Variants in SMIM35 observed in about 807,000 individuals in gnomAD.
The protein encoded by SMIM35 is TMPRSS4 antisense RNA 1 (non-protein coding).
At chr11:118,061,994 C>T (rs902772943) in intron 1 of SMIM35, among the ~76,000 whole-genome samples, 2 of 152,186 alleles carry the variant, frequency 1.3e-5, no homozygotes, top group African/African-American at 4.8e-5. Flanking sequence ...TTGGAAGGTC[C>T]TTGACCTCCC....
chr11:118,039,940 G>T (rs1324963554), intron 1 of SMIM35, among the ~76,000 whole-genome samples: 1 of 151,548 alleles, frequency 6.6e-6, no homozygotes, highest in Non-Finnish European at 1.5e-5. Context: ...AGCTACTAGT[G>T]AGGCTGAGGT....
intron 1 of SMIM35, among the ~76,000 whole-genome samples, chr11:118,016,880 A>G (rs2058187437): frequency 6.6e-6 from 1 of 152,230 alleles, no homozygotes; most frequent in South Asian, 2.1e-4. Context: ...TGTCATTAGT[A>G]TTATCAAATG....
intron 1 of SMIM35, among the ~76,000 whole-genome samples, chr11:118,026,437 T>C (rs2058274288): frequency 6.6e-6 from 1 of 152,198 alleles, no homozygotes; most frequent in South Asian, 2.1e-4. Context: ...TAATTAAAGG[T>C]GATTTCTCTG....
chr11:118,038,595 A>G (rs1464351917), intron 1 of SMIM35, among the ~76,000 whole-genome samples: 3 of 152,214 alleles, frequency 2.0e-5, no homozygotes, highest in Non-Finnish European at 2.9e-5. Flanking sequence ...GTTGGCCTCA[A>G]CACAACAGAA....
chr11:118,007,263 G>A (rs2135008686), intron 4 of SMIM35, among the ~76,000 whole-genome samples: 1 of 152,362 alleles, frequency 6.6e-6, no homozygotes, highest in South Asian at 2.1e-4. Context: ...CTCTGAAATA[G>A]CCTCCCAGCT....
chr11:118,043,634 C>T (rs1944041130), intron 1 of SMIM35, among the ~76,000 whole-genome samples: 1 of 151,862 alleles, frequency 6.6e-6, no homozygotes, highest in Admixed American at 6.6e-5. Context: ...CACAGTGACA[C>T]CCTGTCTCTA....
intron 1 of SMIM35, among the ~76,000 whole-genome samples, chr11:118,059,697 C>T (rs189172132): frequency 6.6e-6 from 1 of 152,298 alleles, no homozygotes; most frequent in East Asian, 1.9e-4. Flanking sequence ...CCACATAGCT[C>T]TACCTCCATT....
intron 1 of SMIM35, among the ~76,000 whole-genome samples, chr11:118,036,602 C>G (rs770803849): frequency 6.6e-6 from 1 of 152,162 alleles, no homozygotes; most frequent in South Asian, 2.1e-4. Context: ...GGGAGAAGGG[C>G]GCTCCTTGGA....
At chr11:118,073,229 C>A (rs774565327) in intron 1 of SMIM35, among the ~76,000 whole-genome samples, 1 of 152,230 alleles carries the variant, frequency 6.6e-6, no homozygotes, top group African/African-American at 2.4e-5. Flanking sequence ...TGAGCCACTG[C>A]GCCCAGCCAG....
chr11:118,083,870 T>G (rs1229746336), intron 1 of SMIM35, among the ~76,000 whole-genome samples: 1 of 151,968 alleles, frequency 6.6e-6, no homozygotes, highest in Non-Finnish European at 1.5e-5. Context: ...CTGGCCAACA[T>G]GGTGAAAGTA....
At chr11:118,047,675 A>G (rs185062445) in intron 1 of SMIM35, among the ~76,000 whole-genome samples, 2 of 152,368 alleles carry the variant, frequency 1.3e-5, no homozygotes, top group Admixed American at 1.3e-4. Flanking sequence ...GTGGACGGAG[A>G]AGCCCCATGG....
intron 4 of SMIM35, among the ~76,000 whole-genome samples, chr11:118,007,783 G>A (rs767544129): frequency 6.6e-6 from 1 of 152,096 alleles, no homozygotes; most frequent in Non-Finnish European, 1.5e-5. Context: ...TTAGGGAGGA[G>A]TAGACCAACC....
chr11:118,011,102 G>C (rs60644855), intron 4 of SMIM35, among the ~76,000 whole-genome samples: 1,964 of 152,374 alleles, frequency 0.013, 35 homozygotes, highest in African/African-American at 0.044. Context: ...GGAAAAGAGG[G>C]GGAGGCTGAG....
chr11:118,054,853 G>A (rs900413812), intron 1 of SMIM35, among the ~76,000 whole-genome samples: 2 of 150,098 alleles, frequency 1.3e-5, no homozygotes, highest in African/African-American at 4.9e-5. Context: ...ACCCAGGCTG[G>A]AGTGCAGTGG....
chr11:118,020,932 C>G, intron 1 of SMIM35, among the ~76,000 whole-genome samples: 1 of 152,052 alleles, frequency 6.6e-6, no homozygotes, highest in East Asian at 1.9e-4. Flanking sequence ...AGACTTGATA[C>G]GTAATATTTT....
Position 118,004,786 on chromosome 11 carries a change from G to A in SMIM35, c.*1624C>T, listed in dbSNP as rs1231465454. On this transcript the variant is annotated 3_prime_UTR_variant, in exon 5 of 5. Transcript: ENST00000689828. Reference sequence around the variant, plus strand: ...GTCACAGGAGCCACGGCTGTGTTTGGCATCTGTCTTGCAGAGCCCAGCCAG... The same window carrying A: ...GTCACAGGAGCCACGGCTGTGTTTGACATCTGTCTTGCAGAGCCCAGCCAG... 1 of 152,174 alleles carries A rather than the reference G, an allele frequency of 6.6e-6. No homozygotes were observed. Among genetic ancestry groups the A allele is most frequent in the African/African-American group, 2.4e-5 (1 of 41,438 alleles). The allele number at this position is 152,174 out of a possible 1,614,324, so 9.4% of individuals were successfully genotyped here. A position where few individuals can be genotyped will look rare whatever the true frequency, so the allele number is the denominator to read the frequency against.
At chr11:118,045,330 G>GCACA (rs34102097) in intron 1 of SMIM35, among the ~76,000 whole-genome samples, 3,448 of 146,084 alleles carry the variant, frequency 0.024, 59 homozygotes, top group African/African-American at 0.049. Flanking sequence ...ATACACACAT[G>GCACA]CACACACACA....
intron 1 of SMIM35, among the ~76,000 whole-genome samples, chr11:118,023,138 G>A (rs1003939933): frequency 6.6e-6 from 1 of 151,904 alleles, no homozygotes; most frequent in Non-Finnish European, 1.5e-5. Flanking sequence ...GGCACTCAGA[G>A]AGGCAGAGCA....
intron 4 of SMIM35, among the ~76,000 whole-genome samples, chr11:118,010,642 C>T (rs1166853103): frequency 5.3e-5 from 8 of 152,280 alleles, no homozygotes; most frequent in East Asian, 3.9e-4. Flanking sequence ...AAGCCCTGAG[C>T]GAAGTCACAG....
Sources: allele counts gnomAD v4.1 joint callset (sites outside exome capture counted in the v4.1 genomes callset), GRCh38; gene constraint gnomAD v4.1.1; transcripts MANE v1.5; gene names NCBI Gene and HGNC (gene_info 2026-07-23, HGNC 2026-07-21).